BLK: variants seen among roughly 807,000 people sequenced by gnomAD.
BLK encodes BLK proto-oncogene, Src family tyrosine kinase.
In BLK, 64 loss-of-function variants were observed where a neutral mutation model predicts 61.8. That is an observed-to-expected ratio of 1.03 (90% CI 0.85 to 1.27). The LOEUF (loss-of-function observed/expected upper bound fraction) is 1.27, where lower values mean the gene tolerates loss of function less well. BLK is among the 50% of genes most tolerant of loss of function. The probability of loss-of-function intolerance (pLI) is 0.00; values close to 1 mark genes in which losing one functional copy is unlikely to be tolerated. For missense variants in BLK, 853 were observed against 660.5 expected (o/e 1.29, Z -3.19); for synonymous variants, 351 against 272.0 (o/e 1.29, Z -2.86).
At position 11,561,793 on chromosome 8, in the gene BLK, G is replaced by A. The variant is rs1801515000; in HGVS notation, c.1180+341G>A. Among the ~76,000 whole-genome samples the A allele has an allele frequency of 2.0e-5, 3 of 152,012 alleles. No homozygotes were observed. The South Asian group carries it at 6.2e-4, about 32-fold the overall frequency. ...AAACAGTTTATGTTTGCCTCACCTA[G>A]TGCCTCCCAAACTAATTTGAGCTCC... On this transcript the variant is annotated intron_variant, in intron 11 of 12. Transcript: ENST00000259089.
Position 11,564,150 on chromosome 8 carries a change from A to G in BLK, c.*42A>G, listed in dbSNP as rs759997593. ...GCGCCCCGTGCCCACCTCTGCGCGG[A>G]CGACCCCGACTTCCGTGCCATCCCA... On this transcript the variant is annotated 3_prime_UTR_variant, in exon 13 of 13. Coordinates refer to ENST00000259089, the MANE Select transcript of BLK (RefSeq NM_001715.3). 6.5e-7 allele frequency: 1 copy of G among 1,531,406 alleles called. No individual in the cohort carries two copies. The highest frequency in any genetic ancestry group is 2.4e-5 in the East Asian group (1 of 40,904). 94.9% of individuals were successfully genotyped at this position (1,531,406 alleles called of 1,614,324 possible).
chr8:11,531,197 G>T (rs1585366721), intron 1 of BLK, among the ~76,000 whole-genome samples: 1 of 152,264 alleles, frequency 6.6e-6, no homozygotes, highest in East Asian at 1.9e-4. Context: ...GAGTTTAAAA[G>T]TTAATTATAT....
rs150413699 is a variant in BLK at position 11,546,736 on chromosome 8, G to A, written c.175+633G>A. Among the ~76,000 whole-genome samples the A allele has an allele frequency of 2.9e-4, 44 of 152,232 alleles. No homozygotes were observed. In the South Asian group the frequency reaches 5.4e-3, roughly 19 times the overall value. ...GATTACAGGTGCACACAACCACACC[G>A]GGCTAATTTTTATGTTTTTACTAGT... On this transcript the variant is annotated intron_variant, in intron 3 of 12. Transcript: ENST00000259089.
chr8:11,544,549 G>C (rs953581502), intron 2 of BLK, among the ~76,000 whole-genome samples: 2 of 152,110 alleles, frequency 1.3e-5, no homozygotes, highest in African/African-American at 4.8e-5. Flanking sequence ...TGATCAAATG[G>C]GGAAACTTGG....
intron 4 of BLK, among the ~76,000 whole-genome samples, chr8:11,548,721 C>T (rs1800762581): frequency 1.3e-5 from 2 of 152,218 alleles, no homozygotes; most frequent in Admixed American, 1.3e-4. Context: ...TTTCTCAAGC[C>T]TGTCCCCAGT....
At chr8:11,532,852 G>T (rs985966023) in intron 1 of BLK, among the ~76,000 whole-genome samples, 1 of 152,240 alleles carries the variant, frequency 6.6e-6, no homozygotes, top group South Asian at 2.1e-4. Flanking sequence ...TTTAGAGAGT[G>T]TCACACTTGC....
At chr8:11,561,703 C>T (rs1458562799) in intron 11 of BLK, among the ~76,000 whole-genome samples, 1 of 152,172 alleles carries the variant, frequency 6.6e-6, no homozygotes, top group Non-Finnish European at 1.5e-5. Context: ...CCACCCTACT[C>T]CCTGTCTTGG....
chr8:11,507,528 T>C (rs913979652), intron 1 of BLK, among the ~76,000 whole-genome samples: 4 of 152,196 alleles, frequency 2.6e-5, no homozygotes, highest in African/African-American at 9.7e-5. Context: ...AGTCACGCTT[T>C]AAAAGAACTT....
At chr8:11,546,467 C>A (rs1215632433) in intron 3 of BLK, among the ~76,000 whole-genome samples, 1 of 152,170 alleles carries the variant, frequency 6.6e-6, no homozygotes, top group African/African-American at 2.4e-5. Flanking sequence ...TTGCCTCCAG[C>A]CCCTGTCCGC....
chr8:11,557,716 G>C (rs939502169), intron 9 of BLK, among the ~76,000 whole-genome samples: 5 of 152,298 alleles, frequency 3.3e-5, no homozygotes, highest in African/African-American at 1.2e-4. Context: ...CCCTGCACCT[G>C]GCTGAAACCT....
At chr8:11,525,762 T>TGATCTTAGGAGCAGTTTGGGGGGTGG (rs1799629809) in intron 1 of BLK, among the ~76,000 whole-genome samples, 1 of 152,198 alleles carries the variant, frequency 6.6e-6, no homozygotes, top group East Asian at 1.9e-4. Flanking sequence ...GTTTTTTCTC[T>TGATCTTAGGAGCAGTTTGGGGGGTGG]GAGACAGAGT....
intron 2 of BLK, 137 bp downstream of exon 2, chr8:11,543,484 C>G: frequency 7.9e-7 from 1 of 1,267,136 alleles, no homozygotes; most frequent in Non-Finnish European, 1.1e-6. Context: ...AGCAGGTGTG[C>G]CATGCAATAT....
intron 4 of BLK, 69 bp from the exon 5 acceptor site, chr8:11,548,955 C>T: frequency 3.6e-6 from 5 of 1,382,410 alleles, no homozygotes; most frequent in Non-Finnish European, 5.0e-6. Flanking sequence ...TTTGAGGAGG[C>T]CTGAGAGCTG....
Position 11,564,209 on chromosome 8 carries a change from C to T in BLK, c.*101C>T. On this transcript the variant is annotated 3_prime_UTR_variant, in exon 13 of 13. Coordinates refer to ENST00000259089, the MANE Select transcript of BLK (RefSeq NM_001715.3). The stretch of plus-strand genomic sequence containing the variant: ...GCGAAGGCGGGGTGTCGCCTGTGCC[C>T]TTTTCTCAGACCCGGAATCCAGTGG... The T allele has an allele frequency of 7.2e-7, 1 of 1,381,826 alleles. No homozygotes were observed. The highest frequency in any genetic ancestry group is 9.9e-7 in the Non-Finnish European group (1 of 1,009,986). The allele number at this position is 1,381,826 out of a possible 1,614,324, so 85.6% of individuals were successfully genotyped here.
At chr8:11,559,417 ACT>A (rs1356822739) in intron 10 of BLK, among the ~76,000 whole-genome samples, 5 of 151,658 alleles carry the variant, frequency 3.3e-5, no homozygotes, top group South Asian at 4.2e-4. Flanking sequence ...AGACACACAG[ACT>A]CACACACACA....
chr8:11,557,523 G>A (rs920659220), intron 9 of BLK, among the ~76,000 whole-genome samples: 2 of 152,190 alleles, frequency 1.3e-5, no homozygotes, highest in African/African-American at 2.4e-5. Flanking sequence ...CCAAACCTGG[G>A]GGACAGTTCT....
intron 12 of BLK, among the ~76,000 whole-genome samples, chr8:11,563,476 G>A (rs1801584890): frequency 1.3e-5 from 2 of 152,240 alleles, no homozygotes; most frequent in Non-Finnish European, 2.9e-5. Context: ...TGTGTGGCCA[G>A]AATCGTGGAC....
At position 11,563,121 on chromosome 8, in the gene BLK, C is replaced by G; in HGVS notation, c.1312+11C>G. Reference sequence around the variant, plus strand: ...GGGTGCCATACCCAGGTAGGTGGCTCACCCCGCAGCTCGCGGCTCCCTGCT... The same window carrying G: ...GGGTGCCATACCCAGGTAGGTGGCTGACCCCGCAGCTCGCGGCTCCCTGCT... On this transcript the variant is annotated intron_variant, in intron 12 of 12. Transcript: ENST00000259089. 1 of 1,613,608 alleles carries G rather than the reference C, an allele frequency of 6.2e-7. No homozygotes were observed. The highest frequency in any genetic ancestry group is 8.5e-7 in the Non-Finnish European group (1 of 1,179,986).
chr8:11,559,396 G>GACAC (rs145806791), intron 10 of BLK, among the ~76,000 whole-genome samples: 37 of 149,830 alleles, frequency 2.5e-4, no homozygotes, highest in South Asian at 1.5e-3. Context: ...CACACAGACA[G>GACAC]ACACACACAC....
Sources: allele counts gnomAD v4.1 joint callset (sites outside exome capture counted in the v4.1 genomes callset), GRCh38; gene constraint gnomAD v4.1.1; transcripts MANE v1.5; gene names NCBI Gene and HGNC (gene_info 2026-07-23, HGNC 2026-07-21).